The following CFAP221 variants were observed in gnomAD, a reference collection of about 807,000 sequenced individuals.
CFAP221 encodes the protein cilia and flagella associated protein 221.
In CFAP221, 97 loss-of-function variants were observed where a neutral mutation model predicts 113.1. That is an observed-to-expected ratio of 0.86 (90% CI 0.73 to 1.02). CFAP221 has a LOEUF of 1.02. Among genes scored for constraint, CFAP221 ranks in the 50% least tolerant of loss-of-function variants. CFAP221 has a pLI of 0.00. For synonymous variants in CFAP221, 331 were observed against 354.4 expected (o/e 0.93, Z 0.74); for missense variants, 1,025 against 1,013.4 (o/e 1.01, Z -0.16).
At chr2:119,635,725 C>T (rs1687071537) in intron 19 of CFAP221, among the ~76,000 whole-genome samples, 1 of 151,868 alleles carries the variant, frequency 6.6e-6, no homozygotes, top group South Asian at 2.1e-4. Flanking sequence ...ATTAGGAGAC[C>T]CTAAGGAAGG....
At chr2:119,646,064 TC>T (rs1288902562) in intron 21 of CFAP221, among the ~76,000 whole-genome samples, 1 of 152,186 alleles carries the variant, frequency 6.6e-6, no homozygotes, top group Non-Finnish European at 1.5e-5. Context: ...CCACCCTATC[TC>T]AATTCCTTTA....
At chr2:119,572,693 C>G in intron 6 of CFAP221, 1 of 609,214 alleles carries the variant, frequency 1.6e-6, no homozygotes, top group Non-Finnish European at 3.0e-6. Context: ...CTGCCTGAAA[C>G]TCACCTGGGG....
intron 7 of CFAP221, among the ~76,000 whole-genome samples, chr2:119,588,298 G>C (rs983690307): frequency 6.6e-6 from 1 of 152,162 alleles, no homozygotes; most frequent in Non-Finnish European, 1.5e-5. Flanking sequence ...AGGTTTACAG[G>C]TATGACTGAG....
chr2:119,549,212 AATC>A (rs2105008846), intron 3 of CFAP221, 27 bp downstream of exon 3: 3 of 1,440,192 alleles, frequency 2.1e-6, no homozygotes, highest in Non-Finnish European at 2.8e-6. Flanking sequence ...TGGGATAATT[AATC>A]ATCATAATGA....
intron 13 of CFAP221, 66 bp downstream of exon 13, chr2:119,611,808 T>C: frequency 8.6e-7 from 1 of 1,163,042 alleles, no homozygotes; most frequent in Non-Finnish European, 1.3e-6. Context: ...TTTTTTTGAA[T>C]GCTAAACAAT....
intron 6 of CFAP221, chr2:119,580,368 T>C (rs1280832555): frequency 6.6e-6 from 1 of 152,140 alleles, no homozygotes; most frequent in African/African-American, 2.4e-5. Context: ...TGAACATGAG[T>C]ATATAAAGTC....
chr2:119,572,811 A>G, intron 6 of CFAP221: 3 of 506,630 alleles, frequency 5.9e-6, no homozygotes, highest in Non-Finnish European at 7.1e-6. Flanking sequence ...CAAGTGGACC[A>G]TGTACTCATC....
rs763334604 is a variant in CFAP221 at position 119,629,951 on chromosome 2, T to C, written c.1727T>C (p.Leu576Pro). 6.2e-7 allele frequency: 1 copy of C among 1,608,926 alleles called. No individual in the cohort carries two copies. The highest frequency in any genetic ancestry group is 8.5e-7 in the Non-Finnish European group (1 of 1,175,388). ...QIKQSYSFFNLQVPQLYKIKR... is the reference protein window; with the variant it reads ...QIKQSYSFFNPQVPQLYKIKR... ...AAGCAGAGTTATTCCTTCTTCAATC[T>C]GCAGGTCAGACCTGTCACATAAATT... The change falls in exon 17 of 24, where the codon CTG becomes CCG. Residue 576 changes from leucine to proline, a missense_variant. Transcript: ENST00000413369.
rs539013090 is a variant in CFAP221 at position 119,624,249 on chromosome 2, G to A, written c.1411-1334G>A. On this transcript the variant is annotated intron_variant, in intron 14 of 23. Coordinates refer to ENST00000413369, the MANE Select transcript of CFAP221 (RefSeq NM_001271049.2). ...CTTCTCAAAAGAAGATGTTTATGTG[G>A]CCAACAAACATATGAAAAACAGCTC... is the stretch of plus-strand genomic sequence containing the variant. Among the ~76,000 whole-genome samples the A allele has an allele frequency of 3.9e-5, 6 of 152,294 alleles. No homozygotes were observed. In the East Asian group the frequency reaches 7.7e-4, roughly 20 times the overall value.
chr2:119,645,400 C>A (rs536649143), intron 21 of CFAP221, among the ~76,000 whole-genome samples: 4 of 151,776 alleles, frequency 2.6e-5, no homozygotes, highest in Admixed American at 2.6e-4. Context: ...CTGTGTTTCT[C>A]TTTATAATGG....
At chr2:119,640,900 T>C (rs2104791857) in intron 21 of CFAP221, among the ~76,000 whole-genome samples, 1 of 152,334 alleles carries the variant, frequency 6.6e-6, no homozygotes, top group Non-Finnish European at 1.5e-5. Flanking sequence ...CCAGTCCTCT[T>C]GTCAGTAAGA....
chr2:119,651,493 G>GA (rs60171203), intron 22 of CFAP221, among the ~76,000 whole-genome samples: 43 of 147,972 alleles, frequency 2.9e-4, no homozygotes, highest in African/African-American at 9.9e-4. Context: ...CAAAAAGATC[G>GA]AAAAAAAAAA....
At chr2:119,572,935 T>A (rs2104574816) in intron 6 of CFAP221, 1 of 232,356 alleles carries the variant, frequency 4.3e-6, no homozygotes, top group East Asian at 8.4e-5. Context: ...AACTTTTATG[T>A]CATAAGGTCA....
intron 7 of CFAP221, among the ~76,000 whole-genome samples, chr2:119,592,521 T>C (rs1260937824): frequency 6.6e-6 from 1 of 152,238 alleles, no homozygotes; most frequent in African/African-American, 2.4e-5. Flanking sequence ...TTTGTGACCA[T>C]GAATGCTGTA....
chr2:119,605,365 C>A, intron 11 of CFAP221, 76 bp downstream of exon 11: 1 of 1,162,658 alleles, frequency 8.6e-7, no homozygotes, highest in Admixed American at 2.0e-5. Flanking sequence ...AAATGAGAGA[C>A]AGTAAAATGT....
In CFAP221 at chr2:119,560,045, C is replaced by CT. The variant is rs35631078; in HGVS notation, c.426+39dup. The CT allele has an allele frequency of 0.24, 207,275 of 857,764 alleles. 11,738 individuals are homozygous for CT. The highest frequency in any genetic ancestry group is 0.34 in the African/African-American group (15,550 of 45,370). The allele number at this position is 857,764 out of a possible 1,614,324, so 53.1% of individuals were successfully genotyped here. A position where few individuals can be genotyped will look rare whatever the true frequency, so the allele number is the denominator to read the frequency against. ...CTGTAAGGTAGGTCTCTTAAAATTG[C>CT]TTTTTTTTTTTTTTTTTTTTGATGG... On this transcript the variant is annotated intron_variant, in intron 5 of 23. Transcript: ENST00000413369.
At chr2:119,640,002 C>CA (rs1191511553) in intron 21 of CFAP221, 130 bp downstream of exon 21, 1 of 730,992 alleles carries the variant, frequency 1.4e-6, no homozygotes, top group African/African-American at 1.8e-5. Flanking sequence ...GTTTGCTAGT[C>CA]AAAGAAATTT....
chr2:119,615,321 T>C (rs1685450317), intron 13 of CFAP221, among the ~76,000 whole-genome samples: 1 of 152,202 alleles, frequency 6.6e-6, no homozygotes, highest in African/African-American at 2.4e-5. Context: ...CCACATGGGA[T>C]TGGTGACTTT....
intron 14 of CFAP221, among the ~76,000 whole-genome samples, chr2:119,619,895 A>C (rs1484752836): frequency 6.6e-6 from 1 of 152,196 alleles, no homozygotes; most frequent in Non-Finnish European, 1.5e-5. Context: ...GAAGAACATA[A>C]ATAACCTGAT....
Sources: gnomAD v4.1 joint callset for allele counts (sites outside exome capture counted in the v4.1 genomes callset) on GRCh38, gnomAD v4.1.1 for gene constraint, MANE v1.5 for transcripts, NCBI Gene and HGNC (gene_info 2026-07-23, HGNC 2026-07-21) for gene names.